Variants in PLCB1 observed in about 807,000 individuals in gnomAD.
PLCB1 encodes 1-phosphatidylinositol 4,5-bisphosphate phosphodiesterase beta-1.
PLCB1 carries 46 observed loss-of-function variants against 161.8 expected under a neutral mutation model. The observed-to-expected ratio is 0.28, with a 90% CI of 0.22 to 0.36. PLCB1 has a LOEUF of 0.36. Among genes scored for constraint, PLCB1 ranks in the 10% least tolerant of loss-of-function variants. The probability of loss-of-function intolerance (pLI) is 1.00; values close to 1 mark genes in which losing one functional copy is unlikely to be tolerated. For synonymous variants in PLCB1, 517 were observed against 503.7 expected (o/e 1.03, Z -0.35); for missense variants, 1,016 against 1,472.5 (o/e 0.69, Z 5.07).
At chr20:8,542,176 C>T (rs935762561) in intron 3 of PLCB1, among the ~76,000 whole-genome samples, 7 of 152,260 alleles carry the variant, frequency 4.6e-5, no homozygotes, top group Non-Finnish European at 8.8e-5. Context: ...TGAAGTGGTC[C>T]GTGAACCGAT....
At chr20:8,275,291 C>T (rs996780122) in intron 2 of PLCB1, among the ~76,000 whole-genome samples, 4 of 56,762 alleles carry the variant, frequency 7.0e-5, no homozygotes, top group Admixed American at 1.7e-4. Context: ...GTGTGTGAAG[C>T]GGCACATGGT....
chr20:8,183,750 T>C (rs1373007724), intron 2 of PLCB1, among the ~76,000 whole-genome samples: 1 of 152,224 alleles, frequency 6.6e-6, no homozygotes, highest in Non-Finnish European at 1.5e-5. Context: ...CAGATGTGCA[T>C]GTTTCACAAT....
chr20:8,819,402 T>C (rs529680930), intron 31 of PLCB1, among the ~76,000 whole-genome samples: 2 of 152,308 alleles, frequency 1.3e-5, no homozygotes, highest in Non-Finnish European at 2.9e-5. Flanking sequence ...AATATAAAAC[T>C]ATAAATCTTT....
intron 2 of PLCB1, among the ~76,000 whole-genome samples, chr20:8,203,732 T>A (rs1978368205): frequency 6.6e-6 from 1 of 152,060 alleles, no homozygotes; most frequent in Non-Finnish European, 1.5e-5. Context: ...GGAGGACACT[T>A]TATTGAAAAT....
chr20:8,762,124 C>T (rs766499457), intron 25 of PLCB1, among the ~76,000 whole-genome samples: 8 of 152,204 alleles, frequency 5.3e-5, no homozygotes, highest in African/African-American at 1.2e-4. Flanking sequence ...GCAGGAAATT[C>T]GCTTGAACCC....
intron 3 of PLCB1, among the ~76,000 whole-genome samples, chr20:8,406,306 A>G (rs561979054): frequency 2.4e-4 from 37 of 152,354 alleles, no homozygotes; most frequent in African/African-American, 7.7e-4. Flanking sequence ...TGTAATGAAA[A>G]CAAATTTATT....
chr20:8,407,486 AG>A (rs1351904323), intron 3 of PLCB1, among the ~76,000 whole-genome samples: 1 of 152,212 alleles, frequency 6.6e-6, no homozygotes, highest in Non-Finnish European at 1.5e-5. Flanking sequence ...AGGAGGCAAA[AG>A]GAACTTCTTA....
chr20:8,664,918 C>CA (rs1989772085), intron 9 of PLCB1, among the ~76,000 whole-genome samples: 1 of 152,124 alleles, frequency 6.6e-6, no homozygotes, highest in Non-Finnish European at 1.5e-5. Context: ...TGGCTTCGGT[C>CA]ACTCAAGGCC....
At chr20:8,718,749 G>A (rs1204044981) in intron 14 of PLCB1, among the ~76,000 whole-genome samples, 1 of 152,136 alleles carries the variant, frequency 6.6e-6, no homozygotes, top group African/African-American at 2.4e-5. Flanking sequence ...TCTCTGGGAG[G>A]TCATTATTCT....
intron 10 of PLCB1, among the ~76,000 whole-genome samples, chr20:8,692,309 C>A (rs1990497006): frequency 6.6e-6 from 1 of 152,200 alleles, no homozygotes; most frequent in African/African-American, 2.4e-5. Context: ...CACCCCTCCT[C>A]TCTTTCCCAT....
intron 3 of PLCB1, among the ~76,000 whole-genome samples, chr20:8,516,550 C>T (rs993000546): frequency 6.6e-6 from 1 of 151,636 alleles, no homozygotes; most frequent in Non-Finnish European, 1.5e-5. Flanking sequence ...TTGAAAGTCT[C>T]TGAGTTTATT....
intron 3 of PLCB1, among the ~76,000 whole-genome samples, chr20:8,456,346 G>A (rs912243846): frequency 2.0e-5 from 3 of 152,164 alleles, no homozygotes; most frequent in Non-Finnish European, 2.9e-5. Flanking sequence ...AGTAAATTCC[G>A]ATCTTTGCTG....
rs913941337 is a variant in PLCB1, at chr20:8,394,944, G to A, written c.246+23494G>A. ...TCATGTTAAACTTTTAAATTAAATC[G>A]TTTCTTCCTAGACTATTTCAAGATT... On this transcript the variant is annotated intron_variant, in intron 3 of 31. Coordinates refer to ENST00000338037, the MANE Select transcript of PLCB1 (RefSeq NM_015192.4). Among the ~76,000 whole-genome samples, 6 of 151,924 alleles carry A rather than the reference G, an allele frequency of 3.9e-5. 1 individual carries two copies. The South Asian group carries it at 6.2e-4, about 16-fold the overall frequency.
chr20:8,683,048 TATAG>T (rs1568558960), intron 9 of PLCB1, among the ~76,000 whole-genome samples: 3 of 152,106 alleles, frequency 2.0e-5, no homozygotes, highest in South Asian at 4.1e-4. Flanking sequence ...GATATAAAAA[TATAG>T]ATAGTTGCAT....
intron 3 of PLCB1, among the ~76,000 whole-genome samples, chr20:8,378,226 A>G (rs929545646): frequency 1.3e-5 from 2 of 152,214 alleles, no homozygotes; most frequent in African/African-American, 2.4e-5. Context: ...AACCTTGAAG[A>G]CATTATGCTG....
intron 2 of PLCB1, among the ~76,000 whole-genome samples, chr20:8,301,383 A>T (rs921391546): frequency 6.6e-6 from 1 of 152,214 alleles, no homozygotes; most frequent in Non-Finnish European, 1.5e-5. Context: ...AGAACCAGGA[A>T]GGACTGAAAG....
intron 3 of PLCB1, among the ~76,000 whole-genome samples, chr20:8,526,966 T>C (rs1183807862): frequency 6.6e-6 from 1 of 152,074 alleles, no homozygotes; most frequent in Non-Finnish European, 1.5e-5. Context: ...AGTTCAAGCA[T>C]CCTCTGATGT....
intron 3 of PLCB1, among the ~76,000 whole-genome samples, chr20:8,546,920 T>C (rs1159856522): frequency 6.6e-6 from 1 of 152,246 alleles, no homozygotes; most frequent in Non-Finnish European, 1.5e-5. Context: ...TTGCCTTATC[T>C]CTGCTCTGCT....
At chr20:8,203,489 G>A (rs1035938617) in intron 2 of PLCB1, among the ~76,000 whole-genome samples, 3 of 152,064 alleles carry the variant, frequency 2.0e-5, no homozygotes, top group African/African-American at 7.2e-5. Context: ...CTATTTAGGT[G>A]GAAATGTCAC....
Sources: allele counts gnomAD v4.1 joint callset (sites outside exome capture counted in the v4.1 genomes callset), GRCh38; gene constraint gnomAD v4.1.1; transcripts MANE v1.5; gene names NCBI Gene and HGNC (gene_info 2026-07-23, HGNC 2026-07-21).